Variants in DDX24 observed in about 807,000 individuals in gnomAD.
DDX24 encodes the protein ATP-dependent RNA helicase DDX24.
Under a neutral mutation model 68.9 loss-of-function variants are expected in DDX24, and 24 were observed. That is an observed-to-expected ratio of 0.35 (90% CI 0.25 to 0.49). The LOEUF (loss-of-function observed/expected upper bound fraction) is 0.49, where lower values mean the gene tolerates loss of function less well. Among genes scored for constraint, DDX24 ranks in the 20% least tolerant of loss-of-function variants. The probability of loss-of-function intolerance (pLI) is 0.99; values close to 1 mark genes in which losing one functional copy is unlikely to be tolerated. For missense variants in DDX24, 989 were observed against 1,039.0 expected, an observed-to-expected ratio of 0.95 and a Z score of 0.66; for synonymous variants, 395 against 385.2, an observed-to-expected ratio of 1.03 and a Z score of -0.30.
intron 5 of DDX24, among the ~76,000 whole-genome samples, chr14:94,059,069 GA>G (rs977294542): frequency 6.6e-6 from 1 of 150,778 alleles, no homozygotes; most frequent in African/African-American, 2.4e-5. Flanking sequence ...CCCCATCTTA[GA>G]AAAAAAAAGG....
At chr14:94,078,980 G>A in intron 2 of DDX24, 45 bp downstream of exon 2, 2 of 1,550,664 alleles carry the variant, frequency 1.3e-6, no homozygotes, top group East Asian at 2.3e-5. Context: ...AGCAGCTATG[G>A]GCTCAATCCA....
chr14:94,066,216 T>C (rs981216884), intron 2 of DDX24, among the ~76,000 whole-genome samples: 1 of 152,114 alleles, frequency 6.6e-6, no homozygotes, highest in Non-Finnish European at 1.5e-5. Flanking sequence ...GGCCCATGAC[T>C]GCTGGCTTTC....
At chr14:94,052,318 T>C (rs1038308876) in intron 8 of DDX24, among the ~76,000 whole-genome samples, 3 of 152,184 alleles carry the variant, frequency 2.0e-5, no homozygotes, top group Non-Finnish European at 4.4e-5. Context: ...TGGTCACATA[T>C]AGAGTAGCAG....
Position 94,061,111 on chromosome 14 carries a change from T to C in DDX24, c.1244-45A>G, listed in dbSNP as rs1567058973. On this transcript the variant is annotated intron_variant, in intron 3 of 8. Coordinates refer to ENST00000621632, the MANE Select transcript of DDX24 (RefSeq NM_020414.4). ...AGGGACACTTATTCAATCTGGGTGA[T>C]CATTTTCTTACATGGCTGACACAGG... 1.0e-5 allele frequency: 16 copies of C among 1,605,130 alleles called. No individual in the cohort carries two copies. The East Asian group carries it at 3.1e-4, about 31-fold the overall frequency.
chr14:94,060,161 A>G lies in DDX24; in HGVS notation c.1850T>C (p.Leu617Pro), dbSNP rs750707808. ...CTGCTTCTGGTGCATACAGGCATGC[A>G]GGGTCAAGGGCATGATATCAAGGAC... ...LKVLDIMPLT[L>P]HACMHQKQRL... The change falls in exon 5 of 9, where the codon CTG becomes CCG. Residue 617 changes from leucine to proline, a missense_variant. Physicochemically the swap from Leu to Pro is moderately conservative, Grantham distance 98. This residue lies in a region of DDX24 where 691 missense variants were observed against 760.0 expected (regional missense o/e 0.91). Coordinates refer to ENST00000621632, the MANE Select transcript of DDX24 (RefSeq NM_020414.4). The G allele has an allele frequency of 6.2e-7, 1 of 1,614,194 alleles. No individual in the cohort carries two copies. Among genetic ancestry groups the G allele is most frequent in the Non-Finnish European group, 8.5e-7 (1 of 1,180,042 alleles).
rs1885376355 is a variant in DDX24 at position 94,051,010 on chromosome 14, T to C, written c.*181A>G. On this transcript the variant is annotated 3_prime_UTR_variant, in exon 9 of 9. Coordinates refer to ENST00000621632, the MANE Select transcript of DDX24 (RefSeq NM_020414.4). ...ATACAGAAAAATTAAGCTGCTGCAT[T>C]GAATTCTTACTCCAAAACAATGCAA... 8 of 573,892 alleles carry C rather than the reference T, an allele frequency of 1.4e-5. No individual in the cohort carries two copies. In the East Asian group the frequency reaches 2.3e-4, roughly 16 times the overall value. 35.5% of individuals were successfully genotyped at this position (573,892 alleles called of 1,614,324 possible).
chr14:94,077,226 C>T (rs1241474372), intron 2 of DDX24, among the ~76,000 whole-genome samples: 3 of 152,102 alleles, frequency 2.0e-5, no homozygotes, highest in Admixed American at 6.5e-5. Context: ...GCCCCTAATC[C>T]CCACATTAAG....
intron 2 of DDX24, among the ~76,000 whole-genome samples, chr14:94,072,517 T>C (rs1185279913): frequency 1.3e-5 from 2 of 152,184 alleles, no homozygotes; most frequent in East Asian, 1.9e-4. Context: ...GCTCGGGTGA[T>C]AGGTGCACCA....
chr14:94,063,082 A>G (rs182949983), intron 2 of DDX24, among the ~76,000 whole-genome samples: 95 of 152,370 alleles, frequency 6.2e-4, no homozygotes, highest in Non-Finnish European at 5.9e-4. Context: ...GAATGTACAC[A>G]GAGTCCAAAT....
Position 94,079,581 on chromosome 14 carries a change from T to C in DDX24, c.162A>G (p.Thr54=), listed in dbSNP as rs375908867. 11 of 1,614,164 alleles carry C rather than the reference T, an allele frequency of 6.8e-6. No homozygotes were observed. The highest frequency in any genetic ancestry group is 1.7e-5 in the Admixed American group (1 of 60,024). ...MDDLVCFEEL[T]DYQLVSPAKN... ...TGGCAGGGGAGACCAACTGGTAATC[T>C]GTCAATTCCTCAAAGCACACCAAGT... The change falls in exon 2 of 9, where the codon ACA becomes ACG. Residue 54 remains threonine, a synonymous_variant. Coordinates refer to ENST00000621632, the MANE Select transcript of DDX24 (RefSeq NM_020414.4).
chr14:94,075,089 G>T (rs796806745), intron 2 of DDX24, among the ~76,000 whole-genome samples: 7 of 152,260 alleles, frequency 4.6e-5, no homozygotes, highest in African/African-American at 1.4e-4. Flanking sequence ...TCCTCAATTT[G>T]CTCTGTAATC....
chr14:94,055,639 C>G (rs1885479266), intron 6 of DDX24: 1 of 166,972 alleles, frequency 6.0e-6, no homozygotes, highest in Non-Finnish European at 1.3e-5. Flanking sequence ...CAGATAACAT[C>G]TAGGTATCCT....
At chr14:94,054,528 C>T (rs993099559) in intron 7 of DDX24, among the ~76,000 whole-genome samples, 1 of 152,246 alleles carries the variant, frequency 6.6e-6, no homozygotes, top group Admixed American at 6.5e-5. Flanking sequence ...GGAGAACCCA[C>T]CCCACTTTGG....
chr14:94,062,295 G>T lies in DDX24; in HGVS notation c.1045C>A (p.Pro349Thr). Residue 349 changes from proline (P) to threonine (T), a missense_variant, in exon 3 of 9, where the codon CCT (proline) becomes ACT (threonine). Physicochemically the swap from Pro to Thr is conservative, Grantham distance 38. Coordinates refer to ENST00000621632, the MANE Select transcript of DDX24 (RefSeq NM_020414.4). ...EGPSSLIREK[P>T]VPKQNENEEE... ...TCATTCTCATTCTGTTTGGGAACAGGTTTCTCCCTGATCAGGGAAGAAGGC... is the reference window on the plus strand; with the variant it reads ...TCATTCTCATTCTGTTTGGGAACAGTTTTCTCCCTGATCAGGGAAGAAGGC... 1 of 1,614,106 alleles carries T rather than the reference G, an allele frequency of 6.2e-7. No homozygotes were observed. The highest frequency in any genetic ancestry group is 2.2e-5 in the East Asian group (1 of 44,882).
chr14:94,056,441 A>T (rs1885494007), intron 6 of DDX24: 1 of 152,220 alleles, frequency 6.6e-6, no homozygotes, highest in African/African-American at 2.4e-5. Context: ...CCTAAAGGAC[A>T]GAGTTTGGAG....
Position 94,062,378 on chromosome 14 carries a change from G to A in DDX24, c.962C>T (p.Thr321Ile). ...CGCCTGGTCTGAGACAGTGCCTCCA[G>A]TCTTGGCTCTGGCCTCGGCTGCAAT... Reference protein sequence around the residue: ...SDIAAEARAKTGGTVSDQALL... With the variant: ...SDIAAEARAKIGGTVSDQALL... The change falls in exon 3 of 9, where the codon ACT becomes ATT. Residue 321 changes from threonine to isoleucine, a missense_variant. Physicochemically the swap from Thr to Ile is moderately conservative, Grantham distance 89. Around this residue, in one of 3 missense-constraint regions of DDX24, gnomAD observed 691 missense variants for 760.0 expected, o/e 0.91. Transcript: ENST00000621632. 1.2e-6 allele frequency: 2 copies of A among 1,614,218 alleles called. No individual in the cohort carries two copies. Among genetic ancestry groups the A allele is most frequent in the Non-Finnish European group, 1.7e-6 (2 of 1,180,042 alleles).
intron 5 of DDX24, among the ~76,000 whole-genome samples, 197 bp downstream of exon 5, chr14:94,059,901 G>A (rs551788430): frequency 1.1e-4 from 16 of 151,966 alleles, no homozygotes; most frequent in Non-Finnish European, 1.3e-4. Context: ...GTTTCTGTAT[G>A]GCATTTAACT....
Position 94,066,586 on chromosome 14 carries a change from C to T in DDX24, c.719-3965G>A, listed in dbSNP as rs182623723. On this transcript the variant is annotated intron_variant, in intron 2 of 8. Coordinates refer to ENST00000621632, the MANE Select transcript of DDX24 (RefSeq NM_020414.4). ...CTAAGCACCCTCACAGAGTCCAACACACCCTCAGCCATCTCCACCGGAACA... is the reference window on the plus strand; with the variant it reads ...CTAAGCACCCTCACAGAGTCCAACATACCCTCAGCCATCTCCACCGGAACA... 2.0e-5 allele frequency among the ~76,000 whole-genome samples: 3 copies of T among 152,346 alleles called. No individual in the cohort carries two copies. In the East Asian group the frequency reaches 5.8e-4, roughly 29 times the overall value.
At chr14:94,061,994 G>C in intron 3 of DDX24, 103 bp downstream of exon 3, 1 of 1,265,828 alleles carries the variant, frequency 7.9e-7, no homozygotes, top group East Asian at 2.5e-5. Flanking sequence ...TTATAGATGA[G>C]AGTGGCTTAC....
Sources: gnomAD v4.1 joint callset for allele counts (sites outside exome capture counted in the v4.1 genomes callset) on GRCh38, gnomAD v4.1.1 for gene constraint, gnomAD v4.1.1 regional missense constraint, MANE v1.5 for transcripts, NCBI Gene and HGNC (gene_info 2026-07-23, HGNC 2026-07-21) for gene names.